The following DPP3 variants were observed in gnomAD, a reference collection of about 807,000 sequenced individuals.
DPP3 encodes the protein DPP III.
In DPP3, 64 loss-of-function variants were observed where a neutral mutation model predicts 89.8. That is an observed-to-expected ratio of 0.71 (90% CI 0.58 to 0.88). The LOEUF is 0.88. Among genes scored for constraint, DPP3 ranks in the 40% least tolerant of loss-of-function variants. The probability of loss-of-function intolerance (pLI) is 0.00; values close to 1 mark genes in which losing one functional copy is unlikely to be tolerated. For missense variants in DPP3, 835 were observed against 972.5 expected, an observed-to-expected ratio of 0.86 and a Z score of 1.88; for synonymous variants, 377 against 404.3, an observed-to-expected ratio of 0.93 and a Z score of 0.81.
intron 2 of DPP3, 125 bp from the exon 3 acceptor site, chr11:66,485,048 C>A: frequency 1.1e-6 from 1 of 897,868 alleles, no homozygotes; most frequent in Non-Finnish European, 1.8e-6. Flanking sequence ...GACCTAGGTC[C>A]TGCCCACACA....
At chr11:66,490,534 C>T (rs549542346) in intron 6 of DPP3, among the ~76,000 whole-genome samples, 2 of 152,190 alleles carry the variant, frequency 1.3e-5, no homozygotes, top group African/African-American at 4.8e-5. Flanking sequence ...CTTGTCTCCC[C>T]ATGGGACTGT....
In DPP3 at chr11:66,504,000, A is replaced by C. The variant is rs560264597; in HGVS notation, c.1879-612A>C. On this transcript the variant is annotated intron_variant, in intron 16 of 17. Coordinates refer to ENST00000531863, the MANE Select transcript of DPP3 (RefSeq NM_130443.4). ...AGGCTGCTCTTCTCTTCCATCCAAG[A>C]TGATACCTTGTTGAAGATACCTTAT... 7.9e-5 allele frequency among the ~76,000 whole-genome samples: 12 copies of C among 152,288 alleles called. No homozygotes were observed. In the South Asian group the frequency reaches 2.5e-3, roughly 32 times the overall value.
intron 16 of DPP3, among the ~76,000 whole-genome samples, chr11:66,503,809 C>G (rs911723341): frequency 3.3e-5 from 5 of 152,140 alleles, no homozygotes; most frequent in African/African-American, 1.2e-4. Context: ...ATCACTTGAA[C>G]CCGGGAGGCA....
At chr11:66,504,209 C>T (rs921835156) in intron 16 of DPP3, among the ~76,000 whole-genome samples, 6 of 151,602 alleles carry the variant, frequency 4.0e-5, no homozygotes, top group Admixed American at 3.3e-4. Flanking sequence ...CCTCTCACCT[C>T]GGACTCCCCA....
At chr11:66,490,145 T>TAAAAA (rs201526861) in intron 6 of DPP3, among the ~76,000 whole-genome samples, 1 of 94,820 alleles carries the variant, frequency 1.1e-5, no homozygotes, top group African/African-American at 3.3e-5. Context: ...AGATCCTATC[T>TAAAAA]AAAAAAAAAA....
chr11:66,503,113 C>T (rs1855720257), intron 16 of DPP3, among the ~76,000 whole-genome samples: 1 of 151,994 alleles, frequency 6.6e-6, no homozygotes, highest in Non-Finnish European at 1.5e-5. Context: ...GGACTACAGG[C>T]ACCACCATCA....
chr11:66,507,959 G>A (rs1334014151), intron 17 of DPP3, among the ~76,000 whole-genome samples: 1 of 152,186 alleles, frequency 6.6e-6, no homozygotes, highest in African/African-American at 2.4e-5. Flanking sequence ...TTACAGGTGT[G>A]AGCCACCACA....
At chr11:66,498,225 C>CA (rs1364401785) in intron 16 of DPP3, among the ~76,000 whole-genome samples, 1 of 152,232 alleles carries the variant, frequency 6.6e-6, no homozygotes, top group Non-Finnish European at 1.5e-5. Flanking sequence ...TCCCGAGTAG[C>CA]AGGGACTACA....
At position 66,493,078 on chromosome 11, in the gene DPP3, A is replaced by C; in HGVS notation, c.1195A>C (p.Arg399=). The C allele has an allele frequency of 6.2e-7, 1 of 1,614,096 alleles. No homozygotes were observed. Among genetic ancestry groups the C allele is most frequent in the Middle Eastern group, 1.6e-4 (1 of 6,062 alleles). Residue 399 remains arginine (R), a synonymous_variant, in exon 11 of 18, where the codon AGG becomes CGG. Coordinates refer to ENST00000531863, the MANE Select transcript of DPP3 (RefSeq NM_130443.4). The stretch of plus-strand genomic sequence containing the variant: ...TCCACCTTCTCCAGACGATGATCTG[A>C]GGCAGACGGAAGGCTTTAAGAACGT... ...GINIPNYDDL[R]QTEGFKNVSL...
intron 3 of DPP3, 121 bp from the exon 4 acceptor site, chr11:66,486,419 T>C: frequency 1.6e-6 from 2 of 1,268,956 alleles, no homozygotes; most frequent in African/African-American, 1.5e-5. Context: ...TGCTGGTCCA[T>C]GGACCACACA....
intron 16 of DPP3, among the ~76,000 whole-genome samples, chr11:66,497,716 CCT>C: frequency 6.6e-6 from 1 of 152,000 alleles, no homozygotes. Context: ...CATGGCAAAA[CCT>C]CGTCTCTACA....
chr11:66,507,521 T>C (rs974346382), intron 17 of DPP3, among the ~76,000 whole-genome samples: 1 of 151,732 alleles, frequency 6.6e-6, no homozygotes, highest in Admixed American at 6.6e-5. Context: ...GAAGTGTTAA[T>C]GAGTGGCCAA....
At chr11:66,505,783 T>C (rs1855784665) in intron 17 of DPP3, among the ~76,000 whole-genome samples, 1 of 135,122 alleles carries the variant, frequency 7.4e-6, no homozygotes, top group Non-Finnish European at 1.5e-5. Context: ...AGGAGTTCAA[T>C]GCTACAGAGC....
intron 6 of DPP3, 146 bp downstream of exon 6, chr11:66,488,153 G>GAGCCA: frequency 2.8e-6 from 2 of 718,292 alleles, no homozygotes; most frequent in Admixed American, 5.9e-5. Flanking sequence ...AATGGCTCTA[G>GAGCCA]TTTCTCTAAA....
intron 3 of DPP3, among the ~76,000 whole-genome samples, chr11:66,485,465 C>T (rs896653538): frequency 6.6e-6 from 1 of 152,192 alleles, no homozygotes; most frequent in African/African-American, 2.4e-5. Flanking sequence ...AAGCACCACT[C>T]GCCCTGACTG....
At chr11:66,506,085 A>G (rs926393485) in intron 17 of DPP3, among the ~76,000 whole-genome samples, 3 of 152,030 alleles carry the variant, frequency 2.0e-5, no homozygotes. Context: ...AGTAGCTGGT[A>G]TAACAGGCGC....
rs1433277121 is a variant in DPP3, at chr11:66,491,605, A to G, written c.910A>G (p.Lys304Glu). 1 of 1,613,544 alleles carries G rather than the reference A, an allele frequency of 6.2e-7. No individual in the cohort carries two copies. The highest frequency in any genetic ancestry group is 1.3e-5 in the African/African-American group (1 of 75,026). ...GGGCTCCCGCTTCTGGATCCAGGACAAAGGCCCCATCGTGGAGAGGTGAGG... is the reference window on the plus strand; with the variant it reads ...GGGCTCCCGCTTCTGGATCCAGGACGAAGGCCCCATCGTGGAGAGGTGAGG... ...KRGSRFWIQD[K>E]GPIVESYIGF... The change falls in exon 8 of 18, where the codon AAA (lysine) becomes GAA (glutamate). Residue 304 changes from lysine to glutamate, a missense_variant. Physicochemically the swap from Lys to Glu is moderately conservative, Grantham distance 56. Transcript: ENST00000531863.
intron 6 of DPP3, 123 bp downstream of exon 6, chr11:66,488,130 C>T: frequency 1.2e-6 from 1 of 845,022 alleles, no homozygotes; most frequent in Non-Finnish European, 1.8e-6. Flanking sequence ...GGATTTTCTA[C>T]ATAAGTCCTG....
intron 6 of DPP3, among the ~76,000 whole-genome samples, chr11:66,488,257 C>T (rs1855288002): frequency 6.6e-6 from 1 of 152,202 alleles, no homozygotes; most frequent in African/African-American, 2.4e-5. Context: ...ACCCTGGAGT[C>T]AGGCGATGAG....
Sources: gnomAD v4.1 joint callset for allele counts (sites outside exome capture counted in the v4.1 genomes callset) on GRCh38, gnomAD v4.1.1 for gene constraint, MANE v1.5 for transcripts, NCBI Gene and HGNC (gene_info 2026-07-23, HGNC 2026-07-21) for gene names.